PXDN: variants seen among roughly 807,000 people sequenced by gnomAD.
PXDN encodes peroxidasin, also known as peroxidasin homolog.
Under a neutral mutation model 140.3 loss-of-function variants are expected in PXDN, and 77 were observed. That is an observed-to-expected ratio of 0.55 (90% CI 0.46 to 0.66). The LOEUF (loss-of-function observed/expected upper bound fraction) is 0.66, where lower values mean the gene tolerates loss of function less well. Ranked by LOEUF, PXDN falls within the 30% of genes least tolerant of loss-of-function variation. The pLI is 0.00. For synonymous variants in PXDN, 911 were observed against 857.4 expected (o/e 1.06, Z -1.09); for missense variants, 1,838 against 2,039.5 (o/e 0.90, Z 1.90).
Position 1,634,067 on chromosome 2 carries a change from A to G in PXDN, c.*137T>C, listed in dbSNP as rs972654522. On this transcript the variant is annotated 3_prime_UTR_variant, in exon 23 of 23. Coordinates refer to ENST00000252804, the MANE Select transcript of PXDN (RefSeq NM_012293.3). ...GGAAGCCTCCTGCACTGCCTTCTGT[A>G]ACAGCACCAGCTGGACGTTGTCATG... 2.9e-6 allele frequency: 4 copies of G among 1,359,686 alleles called. No homozygotes were observed. In the African/African-American group the frequency reaches 5.8e-5, roughly 20 times the overall value. The allele number at this position is 1,359,686 out of a possible 1,614,324, so 84.2% of individuals were successfully genotyped here.
intron 1 of PXDN, among the ~76,000 whole-genome samples, chr2:1,693,670 G>C (rs928904933): frequency 6.6e-6 from 1 of 152,136 alleles, no homozygotes; most frequent in Non-Finnish European, 1.5e-5. Flanking sequence ...CTCACATATG[G>C]GTTTTACCCT....
chr2:1,656,583 C>T (rs1312991484), intron 14 of PXDN, among the ~76,000 whole-genome samples: 1 of 151,574 alleles, frequency 6.6e-6, no homozygotes, highest in Non-Finnish European at 1.5e-5. Context: ...GGACCTGTCC[C>T]CTCCTGCCTG....
intron 1 of PXDN, among the ~76,000 whole-genome samples, chr2:1,702,238 T>C (rs1398102977): frequency 6.6e-6 from 1 of 152,172 alleles, no homozygotes. Flanking sequence ...TGAAGATCTA[T>C]CTTGGCTTCC....
In PXDN at chr2:1,649,488, C is replaced by T. The variant is rs1166135164; in HGVS notation, c.2292G>A (p.Glu764=). Residue 764 remains glutamate, a synonymous_variant, in exon 17 of 23, where the codon GAG becomes GAA. Coordinates refer to ENST00000252804, the MANE Select transcript of PXDN (RefSeq NM_012293.3). This position sits in a 1 kb window ranked among gnomAD's most constrained non-coding sequence, Gnocchi z 7.1. The part of the protein sequence containing the change: ...PMWGASLTAF[E]RLLKSVYENG... Reference sequence around the variant, plus strand: ...TCTCGTACACGGATTTCAGCAGGCGCTCGAAGGCGGTCAGCGAGGCGCCCC... The same window carrying T: ...TCTCGTACACGGATTTCAGCAGGCGTTCGAAGGCGGTCAGCGAGGCGCCCC... The T allele has an allele frequency of 6.2e-7, 1 of 1,613,988 alleles. No homozygotes were observed. The highest frequency in any genetic ancestry group is 2.2e-5 in the East Asian group (1 of 44,874).
chr2:1,725,715 T>C (rs1181039764), intron 1 of PXDN, among the ~76,000 whole-genome samples: 4 of 151,834 alleles, frequency 2.6e-5, no homozygotes, highest in African/African-American at 7.3e-5. Context: ...TACAATGAAC[T>C]CAAACAAATT....
intron 1 of PXDN, among the ~76,000 whole-genome samples, chr2:1,730,206 A>C (rs2125489310): frequency 6.6e-6 from 1 of 152,356 alleles, no homozygotes; most frequent in African/African-American, 2.4e-5. Flanking sequence ...TCTAACATGA[A>C]CATGTGTAAC....
intron 9 of PXDN, among the ~76,000 whole-genome samples, chr2:1,671,682 A>G (rs1442321760): frequency 6.9e-6 from 1 of 144,096 alleles, no homozygotes; most frequent in Non-Finnish European, 1.5e-5. Context: ...ACTGGGTGCG[A>G]TATGCCCCTT....
intron 1 of PXDN, among the ~76,000 whole-genome samples, chr2:1,705,359 C>T (rs576869374): frequency 1.4e-4 from 22 of 152,258 alleles, no homozygotes; most frequent in African/African-American, 3.4e-4. Flanking sequence ...ATGCAGGGTG[C>T]GGCTCCCCAC....
intron 6 of PXDN, among the ~76,000 whole-genome samples, chr2:1,681,165 A>G (rs1229523630): frequency 6.6e-6 from 1 of 152,112 alleles, no homozygotes; most frequent in African/African-American, 2.4e-5. Context: ...AGGGGTGCAC[A>G]CTGGGGTGGA....
In PXDN at chr2:1,687,939, G is replaced by A. The variant is rs140899763; in HGVS notation, c.345-236C>T. ...CTGAAGGTGATCAAACCACTGCGAC[G>A]GGTTTTTCAGGCAACTCACAGACCT... On this transcript the variant is annotated intron_variant, in intron 3 of 22. Coordinates refer to ENST00000252804, the MANE Select transcript of PXDN (RefSeq NM_012293.3). This position sits in a 1 kb window ranked among gnomAD's most constrained non-coding sequence, Gnocchi z 4.0. Among the ~76,000 whole-genome samples the A allele has an allele frequency of 2.4e-3, 369 of 152,230 alleles. 1 individual carries two copies. Among genetic ancestry groups the A allele is most frequent in the South Asian group, 0.01 (49 of 4,824 alleles).
At chr2:1,723,169 G>T (rs946476630) in intron 1 of PXDN, among the ~76,000 whole-genome samples, 3 of 152,106 alleles carry the variant, frequency 2.0e-5, no homozygotes, top group African/African-American at 7.2e-5. Context: ...AAATGGATGA[G>T]TAGTTATGGA....
intron 1 of PXDN, among the ~76,000 whole-genome samples, chr2:1,744,008 G>A (rs943661037): frequency 6.6e-6 from 1 of 152,108 alleles, no homozygotes; most frequent in African/African-American, 2.4e-5. Flanking sequence ...TACGAAGGCC[G>A]CGCGCACAGC....
intron 1 of PXDN, among the ~76,000 whole-genome samples, chr2:1,711,011 ACT>A (rs1284220108): frequency 8.2e-4 from 23 of 27,962 alleles, no homozygotes; most frequent in East Asian, 1.7e-3. Flanking sequence ...ACCAGCACCC[ACT>A]CTCCACCAGC....
In PXDN at chr2:1,730,295, A is replaced by T. The variant is rs561956311; in HGVS notation, c.200+13961T>A. Among the ~76,000 whole-genome samples, 24 of 152,356 alleles carry T rather than the reference A, an allele frequency of 1.6e-4. No individual in the cohort carries two copies. The South Asian group carries it at 4.1e-3, about 26-fold the overall frequency. ...TAGTGGGTAAAAGAGCAGGCATCAT[A>T]ATTCTTAGCTTACAGCTTGTGGAGA... On this transcript the variant is annotated intron_variant, in intron 1 of 22. Transcript: ENST00000252804.
At chr2:1,709,932 A>G (rs2125467408) in intron 1 of PXDN, among the ~76,000 whole-genome samples, 1 of 152,246 alleles carries the variant, frequency 6.6e-6, no homozygotes, top group Middle Eastern at 3.4e-3. Context: ...CTGTGAGAAA[A>G]TAAATCTGTG....
chr2:1,743,943 A>T (rs1685622440), intron 1 of PXDN, among the ~76,000 whole-genome samples: 1 of 151,646 alleles, frequency 6.6e-6, no homozygotes, highest in Non-Finnish European at 1.5e-5. Context: ...GGAGCCCCGG[A>T]GGCTCCAACA....
intron 19 of PXDN, among the ~76,000 whole-genome samples, chr2:1,640,214 T>C (rs1682691791): frequency 6.6e-6 from 1 of 152,172 alleles, no homozygotes; most frequent in Admixed American, 6.5e-5. Flanking sequence ...ACCTGGGCCC[T>C]GTGGACACAC....
intron 1 of PXDN, among the ~76,000 whole-genome samples, chr2:1,739,107 G>A (rs538299378): frequency 1.3e-5 from 2 of 152,234 alleles, no homozygotes; most frequent in Non-Finnish European, 2.9e-5. Flanking sequence ...ATGCGCTCCA[G>A]ACCCAGTGGC....
chr2:1,727,924 T>C (rs1397289850), intron 1 of PXDN, among the ~76,000 whole-genome samples: 1 of 152,210 alleles, frequency 6.6e-6, no homozygotes, highest in Non-Finnish European at 1.5e-5. Flanking sequence ...CACAAGACTG[T>C]CCTGTTCCTT....
Sources: allele counts gnomAD v4.1 joint callset (sites outside exome capture counted in the v4.1 genomes callset), GRCh38; gene constraint gnomAD v4.1.1; non-coding constraint Gnocchi (gnomAD v3.1); transcripts MANE v1.5; gene names NCBI Gene and HGNC (gene_info 2026-07-23, HGNC 2026-07-21).